SNTG1: variants seen among roughly 807,000 people sequenced by gnomAD.
The protein encoded by SNTG1 is gamma-1-syntrophin.
Under a neutral mutation model 74.7 loss-of-function variants are expected in SNTG1, and 39 were observed. The observed-to-expected ratio is 0.52, with a 90% CI of 0.40 to 0.68. The LOEUF (loss-of-function observed/expected upper bound fraction) is 0.68, where lower values mean the gene tolerates loss of function less well. Ranked by LOEUF, SNTG1 falls within the 30% of genes least tolerant of loss-of-function variation. The probability of loss-of-function intolerance (pLI) is 0.00; values close to 1 mark genes in which losing one functional copy is unlikely to be tolerated. For synonymous variants in SNTG1, 254 were observed against 217.1 expected, an observed-to-expected ratio of 1.17 and a Z score of -1.49; for missense variants, 685 against 609.5, an observed-to-expected ratio of 1.12 and a Z score of -1.30.
At chr8:50,749,425 C>G (rs2095562238) in intron 17 of SNTG1, among the ~76,000 whole-genome samples, 1 of 151,914 alleles carries the variant, frequency 6.6e-6, no homozygotes, top group Admixed American at 6.6e-5. Flanking sequence ...AGCAAGTTAT[C>G]CGAAGATCTA....
chr8:50,261,353 T>A (rs532267487), intron 2 of SNTG1, among the ~76,000 whole-genome samples: 29 of 152,264 alleles, frequency 1.9e-4, no homozygotes, highest in African/African-American at 6.5e-4. Context: ...TCCAGATAAA[T>A]AAAAATTGTG....
intron 1 of SNTG1, among the ~76,000 whole-genome samples, chr8:49,981,282 AC>A (rs1812655599): frequency 6.6e-6 from 1 of 152,140 alleles, no homozygotes; most frequent in Non-Finnish European, 1.5e-5. Flanking sequence ...GGCACCAGAG[AC>A]CCCTGGGAAA....
In SNTG1 at chr8:50,553,040, A is replaced by G. The variant is rs1411884324; in HGVS notation, c.681-10A>G. On this transcript the variant is annotated splice_polypyrimidine_tract_variant and intron_variant, in intron 11 of 18. Coordinates refer to ENST00000642720, the MANE Select transcript of SNTG1 (RefSeq NM_018967.5). ...GAGGTTTTGATCTGATTTGTTCTGA[A>G]CATCTGCAGGCAGAATGCCTTTCAA... The G allele has an allele frequency of 6.2e-7, 1 of 1,613,686 alleles. No individual in the cohort carries two copies. The highest frequency in any genetic ancestry group is 8.5e-7 in the Non-Finnish European group (1 of 1,179,704).
intron 2 of SNTG1, among the ~76,000 whole-genome samples, chr8:50,274,814 G>A (rs536296515): frequency 2.6e-5 from 4 of 152,234 alleles, no homozygotes; most frequent in East Asian, 3.9e-4. Flanking sequence ...ATGATCATAC[G>A]ATTTTATCTT....
chr8:49,926,028 T>C (rs142278395), intron 1 of SNTG1, among the ~76,000 whole-genome samples: 3 of 152,320 alleles, frequency 2.0e-5, no homozygotes, highest in South Asian at 2.1e-4. Flanking sequence ...ATGACTTGAA[T>C]CGGTCATCCT....
intron 1 of SNTG1, among the ~76,000 whole-genome samples, chr8:49,949,124 CCTGATGGTT>C (rs1421509621): frequency 5.3e-5 from 8 of 152,138 alleles, no homozygotes; most frequent in Non-Finnish European, 1.5e-5. Context: ...TCTGTCCAGG[CCTGATGGTT>C]CTAAAAGTTG....
intron 2 of SNTG1, among the ~76,000 whole-genome samples, chr8:50,372,212 T>TTC (rs1207171626): frequency 4.0e-5 from 6 of 150,848 alleles, no homozygotes; most frequent in African/African-American, 1.5e-4. Flanking sequence ...TCATTGATCT[T>TTC]TCTCTGTGTG....
At chr8:50,001,890 T>C (rs1343749187) in intron 1 of SNTG1, among the ~76,000 whole-genome samples, 2 of 152,160 alleles carry the variant, frequency 1.3e-5, no homozygotes, top group East Asian at 3.9e-4. Flanking sequence ...GACAGGGAAC[T>C]GAGCTATGTT....
intron 2 of SNTG1, among the ~76,000 whole-genome samples, chr8:50,386,355 G>T (rs185350937): frequency 1.3e-5 from 2 of 152,170 alleles, no homozygotes; most frequent in East Asian, 1.9e-4. Flanking sequence ...GTTGCTGAAA[G>T]ATATGGTTTT....
intron 1 of SNTG1, among the ~76,000 whole-genome samples, chr8:49,922,878 A>G (rs1806679771): frequency 6.6e-6 from 1 of 152,082 alleles, no homozygotes; most frequent in South Asian, 2.1e-4. Context: ...ATGTAAATGA[A>G]CCTACTACAT....
intron 1 of SNTG1, among the ~76,000 whole-genome samples, chr8:50,077,597 T>C (rs1822008949): frequency 6.6e-6 from 1 of 152,174 alleles, no homozygotes; most frequent in Non-Finnish European, 1.5e-5. Flanking sequence ...TAAGATAAAA[T>C]TCACCCATTG....
At position 50,681,590 on chromosome 8, in the gene SNTG1, G is replaced by C. The variant is rs1486362186; in HGVS notation, c.1038+22927G>C. Among the ~76,000 whole-genome samples, 7 of 152,148 alleles carry C rather than the reference G, an allele frequency of 4.6e-5. No individual in the cohort carries two copies. In the East Asian group the frequency reaches 1.4e-3, roughly 29 times the overall value. ...CAACAATGCTATTTTTGGATTGTGA[G>C]AAGAAATTTATTTTTGAAGTATTTT... is the stretch of plus-strand genomic sequence containing the variant. On this transcript the variant is annotated intron_variant, in intron 15 of 18. Coordinates refer to ENST00000642720, the MANE Select transcript of SNTG1 (RefSeq NM_018967.5).
rs143270421 is a variant in SNTG1 at position 50,227,389 on chromosome 8, A to G, written c.-28+54754A>G. 6.8e-3 allele frequency among the ~76,000 whole-genome samples: 1,035 copies of G among 152,276 alleles called. 12 individuals carry two copies. Among genetic ancestry groups the G allele is most frequent in the African/African-American group, 0.023 (974 of 41,552 alleles). Reference sequence around the variant, plus strand: ...GGAGGGGAAGAGTAATCATTGTGAAACAGGTCTTGAGAAATCTTCATTAGA... The same window carrying G: ...GGAGGGGAAGAGTAATCATTGTGAAGCAGGTCTTGAGAAATCTTCATTAGA... On this transcript the variant is annotated intron_variant, in intron 2 of 18. Coordinates refer to ENST00000642720, the MANE Select transcript of SNTG1 (RefSeq NM_018967.5).
At chr8:50,591,023 C>A in intron 13 of SNTG1, 106 bp downstream of exon 13, 1 of 665,664 alleles carries the variant, frequency 1.5e-6, no homozygotes, top group South Asian at 2.8e-5. Flanking sequence ...TTGGTACTGT[C>A]ATTTACTATC....
intron 2 of SNTG1, among the ~76,000 whole-genome samples, chr8:50,260,137 A>G (rs1463612675): frequency 6.6e-6 from 1 of 152,206 alleles, no homozygotes; most frequent in South Asian, 2.1e-4. Context: ...TCAAAACCAA[A>G]TAGTTTACTA....
intron 4 of SNTG1, among the ~76,000 whole-genome samples, chr8:50,417,587 T>A (rs2131433232): frequency 6.6e-6 from 1 of 152,248 alleles, no homozygotes; most frequent in African/African-American, 2.4e-5. Flanking sequence ...TTTTCTCACC[T>A]TTCATGAACT....
At chr8:49,997,286 G>T (rs1015705210) in intron 1 of SNTG1, among the ~76,000 whole-genome samples, 1 of 151,910 alleles carries the variant, frequency 6.6e-6, no homozygotes, top group Non-Finnish European at 1.5e-5. Flanking sequence ...CAAGAGCATC[G>T]CTTTCCATAA....
intron 15 of SNTG1, among the ~76,000 whole-genome samples, chr8:50,692,563 C>A (rs1045305371): frequency 6.6e-6 from 1 of 152,112 alleles, no homozygotes; most frequent in East Asian, 1.9e-4. Context: ...TGCAGAACAG[C>A]GGACATTAGT....
chr8:50,017,783 CAG>C (rs1345253053), intron 1 of SNTG1, among the ~76,000 whole-genome samples: 1 of 151,682 alleles, frequency 6.6e-6, no homozygotes, highest in East Asian at 1.9e-4. Flanking sequence ...GAATTAAAGA[CAG>C]AGAGAAAGAC....
Sources: gnomAD v4.1 joint callset for allele counts (sites outside exome capture counted in the v4.1 genomes callset) on GRCh38, gnomAD v4.1.1 for gene constraint, MANE v1.5 for transcripts, NCBI Gene and HGNC (gene_info 2026-07-23, HGNC 2026-07-21) for gene names.